Variants in VWC2L observed in about 807,000 individuals in gnomAD.
The protein encoded by VWC2L is von Willebrand factor C domain-containing protein 2-like.
Under a neutral mutation model 21.6 loss-of-function variants are expected in VWC2L, and 10 were observed. The observed-to-expected ratio is 0.46, with a 90% CI of 0.29 to 0.78. VWC2L has a LOEUF of 0.78. Ranked by LOEUF, VWC2L falls within the 30% of genes least tolerant of loss-of-function variation. VWC2L has a pLI of 0.10. For missense variants in VWC2L, 209 were observed against 277.1 expected (o/e 0.75, Z 1.74); for synonymous variants, 96 against 94.3 (o/e 1.02, Z -0.10).
rs1158635166 is a variant in VWC2L, at chr2:214,578,098, T to C, written c.*2278T>C. 1 of 152,192 alleles carries C rather than the reference T, an allele frequency of 6.6e-6. No homozygotes were observed. The highest frequency in any genetic ancestry group is 2.4e-5 in the African/African-American group (1 of 41,448). 9.4% of individuals were successfully genotyped at this position (152,192 alleles called of 1,614,324 possible). A position where few individuals can be genotyped will look rare whatever the true frequency, so the allele number is the denominator to read the frequency against. On this transcript the variant is annotated 3_prime_UTR_variant, in exon 4 of 4. Transcript: ENST00000312504. ...GCTTTCTTTGCCCCGAGGTTGCCTG[T>C]TGCCAACTTCAAAAATCCACACTCT... is the stretch of plus-strand genomic sequence containing the variant.
intron 3 of VWC2L, among the ~76,000 whole-genome samples, chr2:214,443,725 G>A (rs1310591832): frequency 6.6e-6 from 1 of 152,092 alleles, no homozygotes; most frequent in African/African-American, 2.4e-5. Context: ...AGTTATGTTT[G>A]GTAGGTAAAC....
chr2:214,522,835 A>G (rs1427963131), intron 3 of VWC2L, among the ~76,000 whole-genome samples: 2 of 152,188 alleles, frequency 1.3e-5, no homozygotes, highest in African/African-American at 4.8e-5. Flanking sequence ...CTTTTATTAA[A>G]TCTTGATATG....
chr2:214,567,041 A>T (rs1053827722), intron 3 of VWC2L, among the ~76,000 whole-genome samples: 1 of 152,184 alleles, frequency 6.6e-6, no homozygotes, highest in African/African-American at 2.4e-5. Context: ...TAGGATGTTT[A>T]TGGCTTTACA....
chr2:214,532,514 T>C (rs1689452872), intron 3 of VWC2L, among the ~76,000 whole-genome samples: 1 of 152,190 alleles, frequency 6.6e-6, no homozygotes, highest in Non-Finnish European at 1.5e-5. Context: ...CTTTTATGAT[T>C]GTGTTGAAAT....
chr2:214,520,078 C>CACACACACAT (rs1689210413), intron 3 of VWC2L, among the ~76,000 whole-genome samples: 1 of 151,642 alleles, frequency 6.6e-6, no homozygotes, highest in Non-Finnish European at 1.5e-5. Flanking sequence ...CACACACACA[C>CACACACACAT]ACACACACAC....
intron 3 of VWC2L, among the ~76,000 whole-genome samples, chr2:214,453,263 T>C (rs1703002484): frequency 6.6e-6 from 1 of 152,170 alleles, no homozygotes; most frequent in Non-Finnish European, 1.5e-5. Flanking sequence ...TGCAAGAAAC[T>C]GATTGAAGGG....
intron 3 of VWC2L, among the ~76,000 whole-genome samples, chr2:214,542,561 G>T (rs75866171): frequency 1.5e-3 from 226 of 152,304 alleles, no homozygotes; most frequent in Non-Finnish European, 2.5e-3. Flanking sequence ...TGTTACAGCT[G>T]CCAAGGCCGA....
At chr2:214,478,398 G>A (rs1412069455) in intron 3 of VWC2L, among the ~76,000 whole-genome samples, 1 of 151,292 alleles carries the variant, frequency 6.6e-6, no homozygotes, top group Non-Finnish European at 1.5e-5. Context: ...AGAATCGCTT[G>A]AACCCAGGAG....
intron 3 of VWC2L, among the ~76,000 whole-genome samples, chr2:214,447,259 T>A (rs1180954963): frequency 6.6e-6 from 1 of 152,012 alleles, no homozygotes; most frequent in Non-Finnish European, 1.5e-5. Flanking sequence ...TCATTGAAGG[T>A]GCAATACAAC....
chr2:214,558,208 G>T (rs369916590), intron 3 of VWC2L, among the ~76,000 whole-genome samples: 1 of 151,682 alleles, frequency 6.6e-6, no homozygotes, highest in Non-Finnish European at 1.5e-5. Context: ...AATCTTTTTT[G>T]TCTTCTTAGG....
intron 3 of VWC2L, among the ~76,000 whole-genome samples, chr2:214,531,458 G>A (rs557985276): frequency 2.6e-5 from 4 of 152,232 alleles, no homozygotes; most frequent in African/African-American, 4.8e-5. Flanking sequence ...GTAGAGAAAC[G>A]TGAAAACAAA....
chr2:214,467,163 T>C (rs1277737622), intron 3 of VWC2L, among the ~76,000 whole-genome samples: 1 of 152,184 alleles, frequency 6.6e-6, no homozygotes, highest in Non-Finnish European at 1.5e-5. Context: ...TTTTAAGTAG[T>C]ATACCCAATA....
At chr2:214,412,912 T>TA (rs905163478) in intron 1 of VWC2L, among the ~76,000 whole-genome samples, 5 of 151,980 alleles carry the variant, frequency 3.3e-5, no homozygotes, top group East Asian at 3.9e-4. Flanking sequence ...AGCATTTAAA[T>TA]AAAAAAATGA....
At chr2:214,496,687 T>C (rs1156837574) in intron 3 of VWC2L, among the ~76,000 whole-genome samples, 1 of 152,196 alleles carries the variant, frequency 6.6e-6, no homozygotes. Context: ...TTGCTTAAAA[T>C]TGTTGTTGAC....
chr2:214,565,915 T>C (rs6728791), intron 3 of VWC2L, among the ~76,000 whole-genome samples: 104,364 of 152,004 alleles, frequency 0.69, 37,599 homozygotes, highest in East Asian at 0.83. Context: ...ATGGTAGGAG[T>C]AGAACTGAAA....
chr2:214,504,163 TAGAA>T (rs577475823), intron 3 of VWC2L, among the ~76,000 whole-genome samples: 388 of 152,270 alleles, frequency 2.5e-3, no homozygotes, highest in Non-Finnish European at 4.2e-3. Context: ...AATAAGAAAA[TAGAA>T]AGGTTCTTTA....
intron 3 of VWC2L, among the ~76,000 whole-genome samples, chr2:214,537,873 A>C (rs1689560379): frequency 6.6e-6 from 1 of 150,484 alleles, no homozygotes. Flanking sequence ...GACCAAAAAT[A>C]AGCAAATTGC....
At chr2:214,501,509 G>C (rs1004079455) in intron 3 of VWC2L, among the ~76,000 whole-genome samples, 3 of 151,996 alleles carry the variant, frequency 2.0e-5, no homozygotes, top group African/African-American at 7.3e-5. Context: ...ATCGCCTGAG[G>C]TCAGGAGCTC....
At chr2:214,440,746 A>G (rs1006983026) in intron 3 of VWC2L, among the ~76,000 whole-genome samples, 1 of 152,110 alleles carries the variant, frequency 6.6e-6, no homozygotes, top group Admixed American at 6.6e-5. Context: ...ACATTCTAAT[A>G]TTTTTGTCCC....
Sources: allele counts gnomAD v4.1 joint callset (sites outside exome capture counted in the v4.1 genomes callset), GRCh38; gene constraint gnomAD v4.1.1; transcripts MANE v1.5; gene names NCBI Gene and HGNC (gene_info 2026-07-23, HGNC 2026-07-21).